EFR3B: variants seen among roughly 807,000 people sequenced by gnomAD.
EFR3B encodes the protein protein EFR3 homolog B.
In EFR3B, 64 loss-of-function variants were observed where a neutral mutation model predicts 104.7. The observed-to-expected ratio is 0.61, with a 90% CI of 0.50 to 0.75. EFR3B has a LOEUF of 0.75. Ranked by LOEUF, EFR3B falls within the 30% of genes least tolerant of loss-of-function variation. The pLI, the probability that EFR3B is intolerant of heterozygous loss-of-function variation, is 0.00. For synonymous variants in EFR3B, 385 were observed against 417.9 expected, an observed-to-expected ratio of 0.92 and a Z score of 0.96; for missense variants, 750 against 1,078.5, an observed-to-expected ratio of 0.70 and a Z score of 4.27.
chr2:25,055,252 C>CT (rs1236426856), intron 1 of EFR3B, among the ~76,000 whole-genome samples: 1 of 152,234 alleles, frequency 6.6e-6, no homozygotes, highest in Non-Finnish European at 1.5e-5. Flanking sequence ...TTGCACGTGT[C>CT]TTATGCCAAA....
At position 25,128,033 on chromosome 2, in the gene EFR3B, G is replaced by A; in HGVS notation, c.486-150G>A. On this transcript the variant is annotated intron_variant, in intron 5 of 22. Transcript: ENST00000403714. Reference sequence around the variant, plus strand: ...GGCTCATGTCTGCCAGCACCAGGAGGTCTCATGAGAGTAGCAGCTGGTCTC... The same window carrying A: ...GGCTCATGTCTGCCAGCACCAGGAGATCTCATGAGAGTAGCAGCTGGTCTC... 4.8e-6 allele frequency: 4 copies of A among 827,902 alleles called. No individual in the cohort carries two copies. In the South Asian group the frequency reaches 7.0e-5, roughly 15 times the overall value. The allele number at this position is 827,902 out of a possible 1,614,324, so 51.3% of individuals were successfully genotyped here. A position where few individuals can be genotyped will look rare whatever the true frequency, so the allele number is the denominator to read the frequency against.
intron 1 of EFR3B, among the ~76,000 whole-genome samples, chr2:25,083,365 T>G (rs1489613903): frequency 6.6e-6 from 1 of 152,222 alleles, no homozygotes; most frequent in Non-Finnish European, 1.5e-5. Context: ...AACTCCACAA[T>G]TTGTATGTAT....
chr2:25,046,664 C>T (rs113900901), intron 1 of EFR3B, among the ~76,000 whole-genome samples: 12,913 of 149,996 alleles, frequency 0.086, 752 homozygotes, highest in East Asian at 0.23. Context: ...CCACCTCGCC[C>T]GGCTAATTTT....
intron 5 of EFR3B, among the ~76,000 whole-genome samples, chr2:25,124,657 GTA>G (rs1670115561): frequency 6.9e-6 from 1 of 144,128 alleles, no homozygotes; most frequent in Non-Finnish European, 1.5e-5. Flanking sequence ...GGAGAATTGT[GTA>G]AACCCGGAGG....
chr2:25,118,618 A>G (rs556611827), intron 4 of EFR3B, among the ~76,000 whole-genome samples: 1 of 147,846 alleles, frequency 6.8e-6, no homozygotes, highest in South Asian at 2.2e-4. Flanking sequence ...CGTGGTGACT[A>G]TTTCACAGCG....
Position 25,130,233 on chromosome 2 carries a change from T to A in EFR3B, c.770+124T>A. The A allele has an allele frequency of 1.4e-6, 2 of 1,413,934 alleles. No individual in the cohort carries two copies. Among genetic ancestry groups the A allele is most frequent in the Non-Finnish European group, 9.5e-7 (1 of 1,048,956 alleles). The allele number at this position is 1,413,934 out of a possible 1,614,324, so 87.6% of individuals were successfully genotyped here. On this transcript the variant is annotated intron_variant, in intron 7 of 22. Transcript: ENST00000403714. This position sits in a 1 kb window ranked among gnomAD's most constrained non-coding sequence, Gnocchi z 4.6. ...AGTTGTGGTGCCGCAGCCGAGTCGATCCCTTCCCTGTGCCTGTGTTCCCTG... is the reference window on the plus strand; with the variant it reads ...AGTTGTGGTGCCGCAGCCGAGTCGAACCCTTCCCTGTGCCTGTGTTCCCTG...
chr2:25,128,036 T>C (rs1670214049), intron 5 of EFR3B, 147 bp from the exon 6 acceptor site: 2 of 864,514 alleles, frequency 2.3e-6, no homozygotes, highest in South Asian at 1.7e-5. Flanking sequence ...CCAGGAGGTC[T>C]CATGAGAGTA....
At chr2:25,127,346 G>A (rs969015137) in intron 5 of EFR3B, among the ~76,000 whole-genome samples, 1 of 152,006 alleles carries the variant, frequency 6.6e-6, no homozygotes, top group African/African-American at 2.4e-5. Flanking sequence ...TAGAATGTAT[G>A]TGAAAAAAGC....
chr2:25,129,879 T>C (rs1165066519), intron 6 of EFR3B, 96 bp from the exon 7 acceptor site: 1 of 1,466,136 alleles, frequency 6.8e-7, no homozygotes. Flanking sequence ...AAATTCCTGC[T>C]TGTCTTGTGT....
intron 1 of EFR3B, among the ~76,000 whole-genome samples, chr2:25,076,726 A>C (rs1192386480): frequency 1.3e-5 from 2 of 152,214 alleles, no homozygotes; most frequent in Non-Finnish European, 2.9e-5. Flanking sequence ...AAGCCCTGAC[A>C]TTAAATCAAT....
chr2:25,115,230 G>C (rs1669826516), intron 4 of EFR3B, among the ~76,000 whole-genome samples: 1 of 152,138 alleles, frequency 6.6e-6, no homozygotes, highest in Non-Finnish European at 1.5e-5. Context: ...CCAACCCCTA[G>C]AGAGTTTGTT....
intron 6 of EFR3B, 21 bp downstream of exon 6, chr2:25,128,353 C>T: frequency 6.4e-7 from 1 of 1,551,570 alleles, no homozygotes; most frequent in Non-Finnish European, 8.7e-7. Flanking sequence ...CGGGATGGGG[C>T]AGGACAGTAG....
chr2:25,061,562 C>T (rs1392101390), intron 1 of EFR3B, among the ~76,000 whole-genome samples: 1 of 151,292 alleles, frequency 6.6e-6, no homozygotes, highest in Non-Finnish European at 1.5e-5. Context: ...GGCGTGATCT[C>T]GGCTCACTGC....
intron 1 of EFR3B, among the ~76,000 whole-genome samples, chr2:25,073,273 C>T (rs1219557460): frequency 1.3e-5 from 2 of 152,086 alleles, no homozygotes; most frequent in South Asian, 2.1e-4. Context: ...TCACATAGCT[C>T]ATGGTCCCAG....
intron 5 of EFR3B, among the ~76,000 whole-genome samples, chr2:25,124,514 C>T (rs1670111087): frequency 6.6e-6 from 1 of 151,124 alleles, no homozygotes. Flanking sequence ...ATCACAAGGT[C>T]AGGAGATTGA....
chr2:25,112,391 G>A (rs959358550), intron 4 of EFR3B, among the ~76,000 whole-genome samples: 6 of 152,254 alleles, frequency 3.9e-5, no homozygotes, highest in Admixed American at 3.9e-4. Context: ...TTTCCCAGGA[G>A]TCCTTAAAAC....
intron 4 of EFR3B, among the ~76,000 whole-genome samples, chr2:25,116,532 G>A (rs1432427826): frequency 1.4e-5 from 2 of 139,662 alleles, no homozygotes; most frequent in Non-Finnish European, 3.1e-5. Context: ...GCTGAGGCAT[G>A]AGAATTGCTT....
intron 3 of EFR3B, among the ~76,000 whole-genome samples, chr2:25,096,205 G>A (rs1452261593): frequency 6.6e-6 from 1 of 152,030 alleles, no homozygotes; most frequent in Non-Finnish European, 1.5e-5. Flanking sequence ...TAATAGAGAC[G>A]GTGTTTCACC....
chr2:25,129,681 C>A (rs1670275321), intron 6 of EFR3B, among the ~76,000 whole-genome samples: 2 of 152,184 alleles, frequency 1.3e-5, no homozygotes, highest in African/African-American at 4.8e-5. Flanking sequence ...CTACACCTCA[C>A]CTGGCCCATG....
Sources: gnomAD v4.1 joint callset for allele counts (sites outside exome capture counted in the v4.1 genomes callset) on GRCh38, gnomAD v4.1.1 for gene constraint, Gnocchi (gnomAD v3.1) non-coding constraint, MANE v1.5 for transcripts, NCBI Gene and HGNC (gene_info 2026-07-23, HGNC 2026-07-21) for gene names.